Variants in CALN1 observed in about 807,000 individuals in gnomAD.
CALN1 encodes calcium-binding protein 8.
In CALN1, 17 loss-of-function variants were observed where a neutral mutation model predicts 30.6. The observed-to-expected ratio is 0.56, with a 90% CI of 0.38 to 0.83. CALN1 has a LOEUF of 0.83. Among genes scored for constraint, CALN1 ranks in the 40% least tolerant of loss-of-function variants. The pLI, the probability that CALN1 is intolerant of heterozygous loss-of-function variation, is 0.00. For synonymous variants in CALN1, 156 were observed against 131.4 expected (o/e 1.19, Z -1.28); for missense variants, 291 against 354.9 (o/e 0.82, Z 1.45).
chr7:71,955,540 C>A (rs1406149092), intron 5 of CALN1, among the ~76,000 whole-genome samples: 2 of 152,076 alleles, frequency 1.3e-5, no homozygotes, highest in Non-Finnish European at 2.9e-5. Context: ...GTCAATGGCA[C>A]AGCAGGGGTT....
chr7:72,376,322 T>C (rs1434122402), intron 2 of CALN1, among the ~76,000 whole-genome samples: 1 of 152,222 alleles, frequency 6.6e-6, no homozygotes, highest in Non-Finnish European at 1.5e-5. Flanking sequence ...GCCAAGTTGT[T>C]TTCCAAAGTG....
At chr7:72,467,722 A>T in the CALN1 span, among the ~76,000 whole-genome samples, 1 of 152,092 alleles carries the variant, frequency 6.6e-6, no homozygotes, top group Non-Finnish European at 1.5e-5. Flanking sequence ...GGATCTTTTT[A>T]AAAAATATAT....
chr7:72,455,202 G>C, the CALN1 span, among the ~76,000 whole-genome samples: 44,607 of 151,630 alleles, frequency 0.29, 7,956 homozygotes, highest in African/African-American at 0.49. Flanking sequence ...CTCTGGAGGC[G>C]GAGGCAGGAA....
At chr7:71,855,858 G>A (rs1790916569) in intron 5 of CALN1, among the ~76,000 whole-genome samples, 1 of 152,052 alleles carries the variant, frequency 6.6e-6, no homozygotes, top group Non-Finnish European at 1.5e-5. Context: ...TTCTGTAGTG[G>A]GCATTAAGAG....
intron 2 of CALN1, among the ~76,000 whole-genome samples, chr7:72,371,862 C>T (rs569252321): frequency 2.0e-5 from 3 of 152,280 alleles, no homozygotes; most frequent in African/African-American, 7.2e-5. Context: ...CCTTGCTCTC[C>T]CCATGAATGC....
At chr7:72,036,525 ATCTTTTT>A (rs541487105) in intron 4 of CALN1, among the ~76,000 whole-genome samples, 2 of 152,106 alleles carry the variant, frequency 1.3e-5, no homozygotes, top group Non-Finnish European at 2.9e-5. Flanking sequence ...CGTTCCTTCA[ATCTTTTT>A]TCTTTCATTT....
At chr7:72,086,406 T>A (rs1404246802) in intron 4 of CALN1, among the ~76,000 whole-genome samples, 1 of 152,024 alleles carries the variant, frequency 6.6e-6, no homozygotes, top group African/African-American at 2.4e-5. Context: ...GAAAATGAAA[T>A]GGATCAATTA....
chr7:72,135,415 G>T (rs1464308235), intron 3 of CALN1, among the ~76,000 whole-genome samples: 2 of 152,098 alleles, frequency 1.3e-5, no homozygotes, highest in East Asian at 3.9e-4. Context: ...TTGATGTATG[G>T]GCTGCAGAAC....
intron 2 of CALN1, among the ~76,000 whole-genome samples, chr7:72,370,741 C>A (rs1804187678): frequency 6.6e-6 from 1 of 150,814 alleles, no homozygotes; most frequent in Middle Eastern, 3.2e-3. Flanking sequence ...ATTCTCTCAA[C>A]AGTGTCTTTC....
At chr7:72,096,728 A>G (rs567048417) in intron 4 of CALN1, among the ~76,000 whole-genome samples, 1 of 152,310 alleles carries the variant, frequency 6.6e-6, no homozygotes, top group South Asian at 2.1e-4. Context: ...AAACTAGTTC[A>G]ACCATTGTGG....
At chr7:72,473,695 G>A in the CALN1 span, among the ~76,000 whole-genome samples, 301 of 152,256 alleles carry the variant, frequency 2.0e-3, 2 homozygotes, top group African/African-American at 6.8e-3. Context: ...CACTTTGGGA[G>A]GACAAGGCAG....
At chr7:72,456,453 G>C in the CALN1 span, among the ~76,000 whole-genome samples, 1 of 152,146 alleles carries the variant, frequency 6.6e-6, no homozygotes, top group Non-Finnish European at 1.5e-5. Context: ...CAAGAGGCTT[G>C]CTAGAGCCCA....
chr7:72,051,530 A>AAT (rs1802837504), intron 4 of CALN1, among the ~76,000 whole-genome samples: 1 of 152,188 alleles, frequency 6.6e-6, no homozygotes, highest in South Asian at 2.1e-4. Flanking sequence ...TTGTTGAGAA[A>AAT]TAGACACTCC....
At chr7:71,996,141 TCTAAACCTAAACGAGGTGA>T (rs1197825706) in intron 5 of CALN1, among the ~76,000 whole-genome samples, 7 of 152,014 alleles carry the variant, frequency 4.6e-5, no homozygotes, top group Admixed American at 1.3e-4. Flanking sequence ...TATACCAGAA[TCTAAACCTAAACGAGGTGA>T]CTAAACCTAA....
chr7:72,010,676 G>C, intron 5 of CALN1, among the ~76,000 whole-genome samples: 1 of 151,920 alleles, frequency 6.6e-6, no homozygotes, highest in East Asian at 1.9e-4. Context: ...GCCAGCATGT[G>C]GTGGCGCGTG....
the CALN1 span, among the ~76,000 whole-genome samples, chr7:72,489,092 C>T: frequency 1.3e-5 from 2 of 152,092 alleles, no homozygotes; most frequent in South Asian, 2.1e-4. Flanking sequence ...TGAGTCCATC[C>T]GCCAACCCTC....
chr7:72,431,527 C>T (rs983113850), intron 1 of CALN1, among the ~76,000 whole-genome samples: 1 of 152,152 alleles, frequency 6.6e-6, no homozygotes, highest in African/African-American at 2.4e-5. Context: ...GGCAGCCCAC[C>T]ATAGGTAATC....
intron 6 of CALN1, among the ~76,000 whole-genome samples, chr7:71,802,593 G>A (rs1295354754): frequency 6.6e-6 from 1 of 152,160 alleles, no homozygotes; most frequent in Non-Finnish European, 1.5e-5. Flanking sequence ...CTCCCGAATA[G>A]CTGAGACTAC....
chr7:71,814,935 G>A (rs184541500), intron 5 of CALN1, among the ~76,000 whole-genome samples: 1,776 of 150,974 alleles, frequency 0.012, 13 homozygotes, highest in Non-Finnish European at 0.015. Context: ...CTGGGTTCAC[G>A]CCATTCTCCT....
Sources: allele counts gnomAD v4.1 joint callset (sites outside exome capture counted in the v4.1 genomes callset), GRCh38; gene constraint gnomAD v4.1.1; transcripts MANE v1.5; gene names NCBI Gene and HGNC (gene_info 2026-07-23, HGNC 2026-07-21).